SPEN: variants seen among roughly 807,000 people sequenced by gnomAD.
SPEN encodes msx2-interacting protein.
A neutral mutation model predicts 269.9 loss-of-function variants in SPEN; 18 were observed. The ratio of observed to expected loss-of-function variants is 0.07; its 90% CI spans 0.05 to 0.10. SPEN has a LOEUF of 0.10. SPEN is among the 10% of genes least tolerant of loss of function. The pLI, the probability that SPEN is intolerant of heterozygous loss-of-function variation, is 1.00. For missense variants in SPEN, 3,822 were observed against 4,631.2 expected, an observed-to-expected ratio of 0.83 and a Z score of 5.07; for synonymous variants, 1,726 against 1,765.7, an observed-to-expected ratio of 0.98 and a Z score of 0.56.
rs1011164270 is a variant in SPEN, at chr1:15,848,988, T to TA, written c.83+848dup. On this transcript the variant is annotated intron_variant, in intron 1 of 14. Transcript: ENST00000375759. This position sits in a 1 kb window ranked among gnomAD's most constrained non-coding sequence, Gnocchi z 5.1. ...CCTTTTACGATGAGAAGATGTAGCT[T>TA]AAAAAAAAAACCTCCCCTGAATATT... 9.8e-4 allele frequency among the ~76,000 whole-genome samples: 146 copies of TA among 149,076 alleles called. No homozygotes were observed. The highest frequency in any genetic ancestry group is 3.5e-3 in the Middle Eastern group (1 of 286).
Position 15,932,383 on chromosome 1 carries a change from C to T in SPEN, c.6143C>T (p.Ala2048Val). The change falls in exon 11 of 15, where the codon GCT (alanine) becomes GTT (valine). Residue 2048 changes from alanine to valine, a missense_variant. Ala to Val is a moderately conservative substitution (Grantham distance 64, BLOSUM62 0). Coordinates refer to ENST00000375759, the MANE Select transcript of SPEN (RefSeq NM_015001.3). This position sits in a 1 kb window ranked among gnomAD's most constrained non-coding sequence, Gnocchi z 4.2. ...GAACAGAAACGTGACAGAAAAGATG[C>T]TGGCACAGACAAAAACCCCCCTGAA... ...GSEQKRDRKD[A>V]GTDKNPPETA... 6.2e-7 allele frequency: 1 copy of T among 1,614,112 alleles called. No homozygotes were observed. The highest frequency in any genetic ancestry group is 8.5e-7 in the Non-Finnish European group (1 of 1,180,038).
chr1:15,855,991 T>C (rs5772654), intron 1 of SPEN, among the ~76,000 whole-genome samples: 1,113 of 5,986 alleles, frequency 0.19, 128 homozygotes, highest in African/African-American at 0.38. Context: ...ATGCTAGAAC[T>C]TTTTTTTTTT....
At chr1:15,905,432 G>C (rs960542377) in intron 3 of SPEN, among the ~76,000 whole-genome samples, 1 of 151,660 alleles carries the variant, frequency 6.6e-6, no homozygotes, top group Non-Finnish European at 1.5e-5. Flanking sequence ...ATGTTGGCCA[G>C]GCTGGTCTCA....
chr1:15,847,963 AGCCGCC>A lies in SPEN; in HGVS notation c.-92_-87del, dbSNP rs892124796. 17 of 600,202 alleles carry A rather than the reference AGCCGCC, an allele frequency of 2.8e-5. No individual in the cohort carries two copies. The highest frequency in any genetic ancestry group is 1.2e-4 in the African/African-American group (6 of 50,742). 37.2% of individuals were successfully genotyped at this position (600,202 alleles called of 1,614,324 possible). ...CCGCCGCTGCCGACGCCACCGCCGC[AGCCGCC>A]GCCGCCGCCGCCCCGGCACCCGCCT... On this transcript the variant is annotated 5_prime_UTR_variant, in exon 1 of 15. Coordinates refer to ENST00000375759, the MANE Select transcript of SPEN (RefSeq NM_015001.3).
intron 3 of SPEN, among the ~76,000 whole-genome samples, chr1:15,901,281 C>T (rs1218602735): frequency 6.6e-6 from 1 of 150,580 alleles, no homozygotes; most frequent in African/African-American, 2.4e-5. Flanking sequence ...CGCCGCTGTA[C>T]TCCAGCCTGA....
intron 3 of SPEN, among the ~76,000 whole-genome samples, chr1:15,902,467 A>G (rs2070911502): frequency 6.6e-6 from 1 of 151,942 alleles, no homozygotes; most frequent in Admixed American, 6.6e-5. Context: ...GGACTTATAA[A>G]AAAAATGAGA....
chr1:15,883,659 G>A (rs2070709660), intron 3 of SPEN, among the ~76,000 whole-genome samples: 1 of 151,962 alleles, frequency 6.6e-6, no homozygotes, highest in Non-Finnish European at 1.5e-5. Flanking sequence ...TTAATTGAAA[G>A]GGAAATGAAA....
At chr1:15,897,566 G>A (rs982219092) in intron 3 of SPEN, among the ~76,000 whole-genome samples, 7 of 152,024 alleles carry the variant, frequency 4.6e-5, no homozygotes, top group African/African-American at 1.7e-4. Flanking sequence ...TCTCCAAGTT[G>A]GTCAGGCTGG....
At position 15,862,873 on chromosome 1, in the gene SPEN, T is replaced by A. The variant is rs559825888; in HGVS notation, c.84-9943T>A. Among the ~76,000 whole-genome samples, 5 of 152,210 alleles carry A rather than the reference T, an allele frequency of 3.3e-5. No individual in the cohort carries two copies. The East Asian group carries it at 9.7e-4, about 29-fold the overall frequency. ...GCCTCCCAGGTTCACGCCATTCTCCTGCCTCAGCCTCCTGAGTAGCTGGGA... is the reference window on the plus strand; with the variant it reads ...GCCTCCCAGGTTCACGCCATTCTCCAGCCTCAGCCTCCTGAGTAGCTGGGA... On this transcript the variant is annotated intron_variant, in intron 1 of 14. Transcript: ENST00000375759.
rs752245407 is a variant in SPEN, at chr1:15,909,362, G to C, written c.923G>C (p.Arg308Pro). The C allele has an allele frequency of 4.3e-6, 7 of 1,613,764 alleles. No homozygotes were observed. The East Asian group carries it at 1.1e-4, about 26-fold the overall frequency. ...SSSSSDDSPA[R>P]SVQSAAVPAP... ...AGTTCAAGTGATGATTCTCCAGCTCGATCAGTTCAGTCTGCAGCAGTCCCT... is the reference window on the plus strand; with the variant it reads ...AGTTCAAGTGATGATTCTCCAGCTCCATCAGTTCAGTCTGCAGCAGTCCCT... The change falls in exon 4 of 15, where the codon CGA becomes CCA. Residue 308 changes from arginine (R) to proline (P), a missense_variant. Around this residue, in one of 16 missense-constraint regions of SPEN, gnomAD observed 327 missense variants for 350.8 expected, o/e 0.93. Coordinates refer to ENST00000375759, the MANE Select transcript of SPEN (RefSeq NM_015001.3).
At chr1:15,921,123 C>G in intron 9 of SPEN, 140 bp downstream of exon 9, 1 of 411,058 alleles carries the variant, frequency 2.4e-6, no homozygotes, top group Non-Finnish European at 4.4e-6. Context: ...GTCAGGAGTT[C>G]GAGACCAGCC....
chr1:15,876,618 C>G lies in SPEN; in HGVS notation c.821C>G (p.Ser274Cys), dbSNP rs1569993310. 1 of 1,613,966 alleles carries G rather than the reference C, an allele frequency of 6.2e-7. No homozygotes were observed. The highest frequency in any genetic ancestry group is 2.2e-5 in the East Asian group (1 of 44,876). ...ACAAGGTCCCCTAGCGGCAGCGGCT[C>G]TAGAAGTAGATCCTCCAGTAGTGAT... ...RPTRSPSGSG[S>C]RSRSSSSDSI... Residue 274 changes from serine to cysteine, a missense_variant, in exon 3 of 15, where the codon TCT becomes TGT. Physicochemically the swap from Ser to Cys is moderately radical, Grantham distance 112. Around this residue, in one of 16 missense-constraint regions of SPEN, gnomAD observed 327 missense variants for 350.8 expected, o/e 0.93. Coordinates refer to ENST00000375759, the MANE Select transcript of SPEN (RefSeq NM_015001.3).
intron 10 of SPEN, among the ~76,000 whole-genome samples, chr1:15,925,366 T>C (rs992151637): frequency 1.3e-5 from 2 of 152,214 alleles, no homozygotes; most frequent in African/African-American, 4.8e-5. Flanking sequence ...GAACCTGACT[T>C]TCTGCAGTTC....
chr1:15,904,507 G>A (rs1474005140), intron 3 of SPEN, among the ~76,000 whole-genome samples: 2 of 123,174 alleles, frequency 1.6e-5, no homozygotes, highest in African/African-American at 3.0e-5. Flanking sequence ...CATTTTTATT[G>A]TTTCATAATT....
In SPEN at chr1:15,933,847, A is replaced by G. The variant is rs2071247142; in HGVS notation, c.7607A>G (p.Lys2536Arg). The change falls in exon 11 of 15, where the codon AAG (lysine) becomes AGG (arginine). Residue 2536 changes from lysine (K) to arginine (R), a missense_variant. Around this residue, in one of 16 missense-constraint regions of SPEN, gnomAD observed 727 missense variants for 737.9 expected, o/e 0.99. Coordinates refer to ENST00000375759, the MANE Select transcript of SPEN (RefSeq NM_015001.3). The surrounding 1 kb of genome is among the most constrained non-coding windows in gnomAD (Gnocchi z 5.7). ...GACACCAGCTCCAGCACCCTGAGGA[A>G]GATTCTCATGGACCCCAAGTATGTG... Reference protein sequence around the residue: ...DVDTSSSTLRKILMDPKYVSA... With the variant: ...DVDTSSSTLRRILMDPKYVSA... 9.9e-6 allele frequency: 16 copies of G among 1,613,520 alleles called. No individual in the cohort carries two copies. The highest frequency in any genetic ancestry group is 2.7e-5 in the African/African-American group (2 of 75,036).
intron 1 of SPEN, among the ~76,000 whole-genome samples, chr1:15,867,032 A>G (rs934802527): frequency 6.6e-6 from 1 of 152,162 alleles, no homozygotes; most frequent in Admixed American, 6.6e-5. Flanking sequence ...AAAGTATACA[A>G]TTCAGCTGTT....
intron 3 of SPEN, among the ~76,000 whole-genome samples, chr1:15,887,276 A>ATTTTTTTTTTT (rs34435171): frequency 2.4e-5 from 2 of 82,318 alleles, no homozygotes; most frequent in African/African-American, 5.5e-5. Context: ...CCTGGCCTGA[A>ATTTTTTTTTTT]TTTTTTTTTT....
In SPEN at chr1:15,876,694, T is replaced by C; in HGVS notation, c.881+16T>C. Reference sequence around the variant, plus strand: ...GCAGTGACAGGTAGGTTAACAGCCTTTTGTTATAACAGATGAGCTAGCTTT... The same window carrying C: ...GCAGTGACAGGTAGGTTAACAGCCTCTTGTTATAACAGATGAGCTAGCTTT... On this transcript the variant is annotated intron_variant, in intron 3 of 14. Transcript: ENST00000375759. The C allele has an allele frequency of 6.3e-7, 1 of 1,579,348 alleles. No homozygotes were observed. The highest frequency in any genetic ancestry group is 8.7e-7 in the Non-Finnish European group (1 of 1,150,712).
rs1343750998 is a variant in SPEN at position 15,848,917 on chromosome 1, G to GC, written c.83+773dup. Among the ~76,000 whole-genome samples the GC allele has an allele frequency of 3.9e-5, 6 of 152,002 alleles. No individual in the cohort carries two copies. The highest frequency in any genetic ancestry group is 7.4e-5 in the Non-Finnish European group (5 of 68,008). ...TCCCAGGCCGCCCTAAGACCCTGGT[G>GC]CCCCCCACCCCTGAATTCCCGAATC... On this transcript the variant is annotated intron_variant, in intron 1 of 14. Transcript: ENST00000375759. The surrounding 1 kb of genome is among the most constrained non-coding windows in gnomAD (Gnocchi z 5.1).
Sources: gnomAD v4.1 joint callset for allele counts (sites outside exome capture counted in the v4.1 genomes callset) on GRCh38, gnomAD v4.1.1 for gene constraint, gnomAD v4.1.1 regional missense constraint, Gnocchi (gnomAD v3.1) non-coding constraint, MANE v1.5 for transcripts, NCBI Gene and HGNC (gene_info 2026-07-23, HGNC 2026-07-21) for gene names.